Variants in RBFOX1 observed in about 807,000 individuals in gnomAD.
RBFOX1 encodes the protein RNA binding fox-1 homolog 1.
A neutral mutation model predicts 57.7 loss-of-function variants in RBFOX1; 8 were observed. That is an observed-to-expected ratio of 0.14 (90% confidence interval 0.08 to 0.25). RBFOX1 has a LOEUF of 0.25. Among genes scored for constraint, RBFOX1 ranks in the 10% least tolerant of loss-of-function variants. The pLI is 1.00. For missense variants in RBFOX1, 611 were observed against 548.5 expected (o/e 1.11, Z -1.14); for synonymous variants, 326 against 222.4 (o/e 1.47, Z -4.15).
intron 4 of RBFOX1, among the ~76,000 whole-genome samples, chr16:7,199,784 G>T (rs1437375713): frequency 1.3e-5 from 2 of 152,082 alleles, no homozygotes; most frequent in African/African-American, 4.8e-5. Flanking sequence ...ATCCCAGTTT[G>T]CTCAGGAGGC....
At chr16:6,434,912 A>C (rs990186436) in intron 2 of RBFOX1, among the ~76,000 whole-genome samples, 6 of 152,236 alleles carry the variant, frequency 3.9e-5, no homozygotes, top group African/African-American at 1.4e-4. Flanking sequence ...ATAAATGACA[A>C]ACATGAGGCC....
intron 3 of RBFOX1, among the ~76,000 whole-genome samples, chr16:5,682,336 G>A (rs901871009): frequency 4.6e-5 from 7 of 152,156 alleles, no homozygotes; most frequent in African/African-American, 1.7e-4. Flanking sequence ...AAATTGCACA[G>A]CTGTGAAACC....
intron 3 of RBFOX1, among the ~76,000 whole-genome samples, chr16:6,805,293 A>C (rs1216668560): frequency 6.6e-6 from 1 of 152,212 alleles, no homozygotes; most frequent in Non-Finnish European, 1.5e-5. Context: ...CAGGAACAAA[A>C]AAACAAATAT....
intron 3 of RBFOX1, among the ~76,000 whole-genome samples, chr16:6,912,225 C>G (rs564895934): frequency 5.7e-4 from 87 of 152,274 alleles, no homozygotes; most frequent in African/African-American, 2.0e-3. Flanking sequence ...TGTGGAGTTT[C>G]TCAAACTTGA....
chr16:5,632,948 T>TTTTC, intron 3 of RBFOX1, among the ~76,000 whole-genome samples: 1 of 149,770 alleles, frequency 6.7e-6, no homozygotes, highest in East Asian at 2.0e-4. Flanking sequence ...TCCTTTTTTT[T>TTTTC]TTTTTTTTGA....
At chr16:7,314,596 A>G (rs535119440) in intron 4 of RBFOX1, among the ~76,000 whole-genome samples, 1 of 152,324 alleles carries the variant, frequency 6.6e-6, no homozygotes, top group Non-Finnish European at 1.5e-5. Context: ...TCACAGTGGC[A>G]TCACGGTCCT....
intron 4 of RBFOX1, among the ~76,000 whole-genome samples, chr16:7,128,458 G>A (rs1050022757): frequency 6.6e-6 from 1 of 152,216 alleles, no homozygotes; most frequent in African/African-American, 2.4e-5. Flanking sequence ...CCTCCAGGGT[G>A]ACATCAGCGG....
chr16:7,638,185 A>G (rs1355797854), intron 11 of RBFOX1, among the ~76,000 whole-genome samples: 1 of 152,226 alleles, frequency 6.6e-6, no homozygotes, highest in Non-Finnish European at 1.5e-5. Context: ...GATGATATCC[A>G]TAATCATAAG....
Position 6,069,927 on chromosome 16 carries a change from C to G in RBFOX1, c.-127+49935C>G, listed in dbSNP as rs375720712. On this transcript the variant is annotated intron_variant, in intron 1 of 15. Coordinates refer to ENST00000550418, the MANE Select transcript of RBFOX1 (RefSeq NM_018723.4). ...ACTTGAACCCAGGAGGCAGAAATTG[C>G]AGTGAGCCGAGATCCAACCGCTGCA... Among the ~76,000 whole-genome samples, 5 of 152,104 alleles carry G rather than the reference C, an allele frequency of 3.3e-5. No individual in the cohort carries two copies. In the East Asian group the frequency reaches 7.7e-4, roughly 24 times the overall value.
chr16:6,230,839 CAT>C (rs1014658542), intron 1 of RBFOX1, among the ~76,000 whole-genome samples: 2 of 152,134 alleles, frequency 1.3e-5, no homozygotes, highest in Non-Finnish European at 2.9e-5. Flanking sequence ...GCTAAAGAAA[CAT>C]ATACATAAAC....
chr16:5,916,947 G>C (rs1018244050), intron 4 of RBFOX1, among the ~76,000 whole-genome samples: 36 of 152,234 alleles, frequency 2.4e-4, no homozygotes, highest in African/African-American at 8.2e-4. Flanking sequence ...GAGCTAGTGG[G>C]TGTCTCCCCT....
At chr16:5,681,619 C>G (rs554485591) in intron 3 of RBFOX1, among the ~76,000 whole-genome samples, 2 of 151,380 alleles carry the variant, frequency 1.3e-5, no homozygotes, top group African/African-American at 4.9e-5. Flanking sequence ...ACTCGAACTC[C>G]CGACCTCAGG....
intron 2 of RBFOX1, among the ~76,000 whole-genome samples, chr16:6,620,178 A>T (rs1178535244): frequency 6.6e-6 from 1 of 152,214 alleles, no homozygotes; most frequent in African/African-American, 2.4e-5. Flanking sequence ...ACTAAATTCA[A>T]AATCAGTCAG....
At chr16:6,741,599 G>A (rs1320133206) in intron 3 of RBFOX1, among the ~76,000 whole-genome samples, 2 of 151,698 alleles carry the variant, frequency 1.3e-5, no homozygotes, top group Non-Finnish European at 2.9e-5. Context: ...AACTGCGGAG[G>A]TGGAGGTTGC....
chr16:6,091,942 T>G (rs1024011043), intron 1 of RBFOX1, among the ~76,000 whole-genome samples: 1 of 152,202 alleles, frequency 6.6e-6, no homozygotes, highest in Non-Finnish European at 1.5e-5. Flanking sequence ...TACCTCCCCA[T>G]CTATCTGTCC....
chr16:5,527,733 A>G (rs1416898404), intron 2 of RBFOX1, among the ~76,000 whole-genome samples: 3 of 152,182 alleles, frequency 2.0e-5, no homozygotes, highest in Non-Finnish European at 4.4e-5. Flanking sequence ...AAGTAGCTCC[A>G]GATCTCTTCT....
At chr16:7,388,675 T>C (rs2097927112) in intron 4 of RBFOX1, among the ~76,000 whole-genome samples, 6 of 139,232 alleles carry the variant, frequency 4.3e-5, no homozygotes. Context: ...TTTTTGACAT[T>C]ATGAATGACG....
intron 10 of RBFOX1, among the ~76,000 whole-genome samples, chr16:7,623,685 G>A (rs1452111900): frequency 1.4e-4 from 21 of 152,182 alleles, no homozygotes; most frequent in Admixed American, 1.4e-3. Context: ...AGGGGTTGGG[G>A]AACCCTGGCT....
chr16:7,207,547 G>A (rs139011597), intron 4 of RBFOX1, among the ~76,000 whole-genome samples: 11 of 152,300 alleles, frequency 7.2e-5, no homozygotes, highest in South Asian at 6.2e-4. Context: ...GAATGAAGAC[G>A]TGATTGGATT....
Sources: allele counts gnomAD v4.1 joint callset (sites outside exome capture counted in the v4.1 genomes callset), GRCh38; gene constraint gnomAD v4.1.1; transcripts MANE v1.5; gene names NCBI Gene and HGNC (gene_info 2026-07-23, HGNC 2026-07-21).